Variants in ETS1 observed in about 807,000 individuals in gnomAD.
ETS1 encodes the protein protein C-ets-1.
Under a neutral mutation model 58.6 loss-of-function variants are expected in ETS1, and 15 were observed. The observed-to-expected ratio is 0.26, with a 90% CI of 0.17 to 0.39. The LOEUF (loss-of-function observed/expected upper bound fraction) is 0.39, where lower values mean the gene tolerates loss of function less well. Among genes scored for constraint, ETS1 ranks in the 10% least tolerant of loss-of-function variants. The probability of loss-of-function intolerance (pLI) is 1.00; values close to 1 mark genes in which losing one functional copy is unlikely to be tolerated. For synonymous variants in ETS1, 214 were observed against 218.2 expected, an observed-to-expected ratio of 0.98 and a Z score of 0.17; for missense variants, 417 against 610.5, an observed-to-expected ratio of 0.68 and a Z score of 3.34.
intron 3 of ETS1, among the ~76,000 whole-genome samples, chr11:128,528,514 C>T (rs1471281474): frequency 6.6e-6 from 1 of 152,268 alleles, no homozygotes; most frequent in South Asian, 2.1e-4. Context: ...ACTCCTAGTA[C>T]ATATTTGAAT....
intron 3 of ETS1, chr11:128,522,247 T>G: frequency 8.4e-7 from 1 of 1,187,842 alleles, no homozygotes; most frequent in Non-Finnish European, 1.0e-6. Flanking sequence ...CGCCCGCTCC[T>G]CCTGCCCGGC....
chr11:128,529,341 G>C (rs1565398725), intron 3 of ETS1, among the ~76,000 whole-genome samples: 1 of 152,136 alleles, frequency 6.6e-6, no homozygotes, highest in Admixed American at 6.5e-5. Flanking sequence ...AGTAGAAATG[G>C]GGGGACATGG....
chr11:128,569,758 T>C (rs1864588172), intron 2 of ETS1, among the ~76,000 whole-genome samples: 1 of 152,206 alleles, frequency 6.6e-6, no homozygotes, highest in East Asian at 1.9e-4. Flanking sequence ...AAGGGCTTCT[T>C]TGCTTGCTCT....
chr11:128,475,655 C>T (rs2135431483), intron 8 of ETS1, among the ~76,000 whole-genome samples: 1 of 149,434 alleles, frequency 6.7e-6, no homozygotes, highest in East Asian at 2.0e-4. Context: ...GGGTTCACAG[C>T]ATTCTCCTGC....
chr11:128,469,236 G>A (rs1348198124), intron 8 of ETS1, among the ~76,000 whole-genome samples: 1 of 152,184 alleles, frequency 6.6e-6, no homozygotes, highest in African/African-American at 2.4e-5. Context: ...GTGTGGGCAG[G>A]ACACCACATT....
chr11:128,517,761 G>A (rs1319538404), intron 3 of ETS1, among the ~76,000 whole-genome samples: 1 of 152,154 alleles, frequency 6.6e-6, no homozygotes, highest in Non-Finnish European at 1.5e-5. Flanking sequence ...GAGATTTGAT[G>A]GAGCCCAGAG....
intron 7 of ETS1, among the ~76,000 whole-genome samples, chr11:128,483,434 A>G (rs1862542553): frequency 6.6e-6 from 1 of 152,214 alleles, no homozygotes. Flanking sequence ...CCCACAAGGA[A>G]GAAAGTCGTT....
chr11:128,556,500 A>G (rs963345850), intron 2 of ETS1, 65 bp from the exon 3 acceptor site: 6 of 1,091,066 alleles, frequency 5.5e-6, no homozygotes, highest in Non-Finnish European at 6.5e-6. Context: ...GCCCTAAAGA[A>G]CTATGACTTC....
chr11:128,571,500 T>TCCAGCCTGGG (rs1565414945), intron 2 of ETS1, among the ~76,000 whole-genome samples: 2 of 36,140 alleles, frequency 5.5e-5, no homozygotes, highest in East Asian at 8.8e-4. Context: ...CAAGACTCCG[T>TCCAGCCTGGG]CAAAAAAAAA....
chr11:128,565,309 C>A (rs901015718), intron 2 of ETS1, among the ~76,000 whole-genome samples: 25 of 152,170 alleles, frequency 1.6e-4, no homozygotes, highest in African/African-American at 5.3e-4. Context: ...CAGGAAGGGT[C>A]CATCTTGGAA....
intron 3 of ETS1, among the ~76,000 whole-genome samples, chr11:128,527,612 G>A (rs903906982): frequency 2.0e-5 from 3 of 152,244 alleles, no homozygotes; most frequent in Non-Finnish European, 4.4e-5. Flanking sequence ...TGAGGAGGTA[G>A]AGGGATAATG....
chr11:128,506,280 T>C (rs1863228731), intron 3 of ETS1, among the ~76,000 whole-genome samples: 1 of 152,068 alleles, frequency 6.6e-6, no homozygotes, highest in Admixed American at 6.5e-5. Flanking sequence ...TTATGTTATA[T>C]CAATTATATC....
intron 3 of ETS1, among the ~76,000 whole-genome samples, chr11:128,546,871 G>A (rs1277448101): frequency 6.6e-6 from 1 of 152,104 alleles, no homozygotes; most frequent in East Asian, 1.9e-4. Flanking sequence ...GCCATGAGAC[G>A]CAGATCATAG....
chr11:128,554,929 C>A (rs530187090), intron 3 of ETS1, among the ~76,000 whole-genome samples: 1 of 152,122 alleles, frequency 6.6e-6, no homozygotes, highest in African/African-American at 2.4e-5. Flanking sequence ...TTAAGTCTGA[C>A]GTGTGAGCAG....
At chr11:128,465,956 A>T (rs1862022708) in intron 8 of ETS1, among the ~76,000 whole-genome samples, 1 of 152,206 alleles carries the variant, frequency 6.6e-6, no homozygotes, top group East Asian at 1.9e-4. Context: ...CAGGTTCTTC[A>T]TCTCAATGCT....
intron 5 of ETS1, among the ~76,000 whole-genome samples, chr11:128,488,915 T>A (rs1295219380): frequency 2.0e-5 from 3 of 152,142 alleles, no homozygotes; most frequent in African/African-American, 7.2e-5. Flanking sequence ...GCAGTGTGTA[T>A]TAAGATTGCA....
chr11:128,543,744 G>A (rs1379795655), intron 3 of ETS1, among the ~76,000 whole-genome samples: 2 of 152,070 alleles, frequency 1.3e-5, no homozygotes, highest in South Asian at 2.1e-4. Flanking sequence ...TTACGTGATC[G>A]AACCAGAAGG....
intron 3 of ETS1, among the ~76,000 whole-genome samples, chr11:128,502,809 T>C (rs1225174015): frequency 2.6e-5 from 4 of 152,144 alleles, no homozygotes; most frequent in Non-Finnish European, 5.9e-5. Context: ...GACACCAAAC[T>C]GAACATGAGG....
intron 1 of ETS1, among the ~76,000 whole-genome samples, chr11:128,585,052 GA>G (rs1182699555): frequency 1.0e-4 from 2 of 19,964 alleles, no homozygotes; most frequent in Non-Finnish European, 1.7e-4. Flanking sequence ...AAGAAAGAAA[GA>G]AAGAAAGAAA....
Sources: gnomAD v4.1 joint callset for allele counts (sites outside exome capture counted in the v4.1 genomes callset) on GRCh38, gnomAD v4.1.1 for gene constraint, MANE v1.5 for transcripts, NCBI Gene and HGNC (gene_info 2026-07-23, HGNC 2026-07-21) for gene names.